Variants in DPY19L1 observed in about 807,000 individuals in gnomAD.
DPY19L1 encodes the protein protein C-mannosyl-transferase DPY19L1.
A neutral mutation model predicts 96.9 loss-of-function variants in DPY19L1; 35 were observed. That is an observed-to-expected ratio of 0.36 (90% CI 0.28 to 0.48). The LOEUF (loss-of-function observed/expected upper bound fraction) is 0.48. DPY19L1 is among the 20% of genes least tolerant of loss of function. The pLI is 0.99. For missense variants in DPY19L1, 521 were observed against 777.9 expected (o/e 0.67, Z 3.93); for synonymous variants, 205 against 252.6 (o/e 0.81, Z 1.79).
chr7:34,982,180 A>G (rs1415169091), intron 7 of DPY19L1, among the ~76,000 whole-genome samples: 1 of 152,206 alleles, frequency 6.6e-6, no homozygotes, highest in African/African-American at 2.4e-5. Flanking sequence ...TAAAATCATC[A>G]AAGAATTTAT....
At chr7:34,944,402 A>G (rs1164312288) in intron 16 of DPY19L1, among the ~76,000 whole-genome samples, 1 of 151,300 alleles carries the variant, frequency 6.6e-6, no homozygotes, top group Non-Finnish European at 1.5e-5. Context: ...TAAAAAAAAG[A>G]AAATATAGAT....
chr7:35,032,955 C>G (rs1584267156), intron 1 of DPY19L1, among the ~76,000 whole-genome samples: 1 of 152,206 alleles, frequency 6.6e-6, no homozygotes, highest in African/African-American at 2.4e-5. Context: ...CCGTGAACAG[C>G]CTCCTCATGG....
intron 10 of DPY19L1, among the ~76,000 whole-genome samples, chr7:34,963,355 A>AT (rs1784543086): frequency 6.6e-6 from 1 of 152,200 alleles, no homozygotes; most frequent in Non-Finnish European, 1.5e-5. Flanking sequence ...GATTACATGG[A>AT]GAAAATAGAA....
At chr7:34,963,583 C>T (rs1784547781) in intron 10 of DPY19L1, among the ~76,000 whole-genome samples, 1 of 151,812 alleles carries the variant, frequency 6.6e-6, no homozygotes, top group Admixed American at 6.6e-5. Context: ...CCCAAGTATC[C>T]GTGAATGAAC....
chr7:34,978,009 A>C (rs1365114753), intron 7 of DPY19L1, among the ~76,000 whole-genome samples: 2 of 152,140 alleles, frequency 1.3e-5, no homozygotes, highest in Admixed American at 1.3e-4. Context: ...TTTTCTGCTT[A>C]ATAATTTTTA....
intron 4 of DPY19L1, among the ~76,000 whole-genome samples, chr7:35,011,906 A>G (rs1474852820): frequency 6.6e-6 from 1 of 152,258 alleles, no homozygotes; most frequent in Non-Finnish European, 1.5e-5. Context: ...TTTAACAGAT[A>G]TTAAGTCTTA....
chr7:34,958,195 C>G (rs1784419518), intron 10 of DPY19L1, 125 bp from the exon 11 acceptor site: 1 of 564,054 alleles, frequency 1.8e-6, no homozygotes, highest in Non-Finnish European at 3.0e-6. Context: ...GACTATAAAA[C>G]AGCCCATTCT....
intron 13 of DPY19L1, among the ~76,000 whole-genome samples, chr7:34,952,315 A>T (rs1784285194): frequency 6.6e-6 from 1 of 152,074 alleles, no homozygotes; most frequent in Non-Finnish European, 1.5e-5. Flanking sequence ...ATAAAATGGG[A>T]AAAATTCCTC....
At chr7:34,986,787 T>C (rs1785057795) in intron 7 of DPY19L1, among the ~76,000 whole-genome samples, 1 of 152,064 alleles carries the variant, frequency 6.6e-6, no homozygotes, top group Non-Finnish European at 1.5e-5. Context: ...TCATTCACTT[T>C]AAATTACTTT....
intron 7 of DPY19L1, among the ~76,000 whole-genome samples, chr7:34,989,187 T>C (rs1389197193): frequency 6.6e-6 from 1 of 152,198 alleles, no homozygotes; most frequent in East Asian, 1.9e-4. Context: ...CAAATGTTAA[T>C]ACATTAAAAT....
chr7:34,967,366 T>C (rs963463187), intron 9 of DPY19L1, among the ~76,000 whole-genome samples: 1 of 152,180 alleles, frequency 6.6e-6, no homozygotes, highest in African/African-American at 2.4e-5. Flanking sequence ...AAAATAATTA[T>C]GCAATGCATG....
In DPY19L1 at chr7:35,037,412, C is replaced by G. The variant is rs1584270167; in HGVS notation, c.-18G>C. The G allele has an allele frequency of 1.2e-5, 4 of 330,698 alleles. No homozygotes were observed. The highest frequency in any genetic ancestry group is 4.9e-5 in the Admixed American group (1 of 20,390). The allele number at this position is 330,698 out of a possible 1,614,324, so 20.5% of individuals were successfully genotyped here. On this transcript the variant is annotated 5_prime_UTR_variant, in exon 1 of 22. Coordinates refer to ENST00000638088, the MANE Select transcript of DPY19L1 (RefSeq NM_001366673.1). ...AGGACCATCTTGGCATAGTCGCGCC[C>G]GCTCGCTGCGCGCGCCCGGACGGCG...
intron 7 of DPY19L1, among the ~76,000 whole-genome samples, chr7:34,983,073 T>C (rs1784974543): frequency 6.6e-6 from 1 of 152,152 alleles, no homozygotes; most frequent in African/African-American, 2.4e-5. Context: ...TAAAACAAAT[T>C]AAAACTATAC....
At chr7:34,957,931 T>TAG in intron 11 of DPY19L1, 53 bp downstream of exon 11, 1 of 1,220,824 alleles carries the variant, frequency 8.2e-7, no homozygotes. Flanking sequence ...GAAGAAAAAA[T>TAG]TGTTAAACCA....
chr7:34,950,773 A>C (rs2128784556), intron 13 of DPY19L1, among the ~76,000 whole-genome samples: 1 of 152,310 alleles, frequency 6.6e-6, no homozygotes, highest in African/African-American at 2.4e-5. Context: ...TACAGCACCT[A>C]AAATAGCATA....
At chr7:34,974,897 C>A (rs149064429) in intron 7 of DPY19L1, among the ~76,000 whole-genome samples, 7 of 152,068 alleles carry the variant, frequency 4.6e-5, no homozygotes, top group Non-Finnish European at 7.4e-5. Flanking sequence ...ATATCTGCTA[C>A]GGTGATCTGT....
In DPY19L1 at chr7:35,018,610, G is replaced by T. The variant is rs371657124; in HGVS notation, c.299-14C>A. The T allele has an allele frequency of 3.7e-6, 6 of 1,605,622 alleles. No individual in the cohort carries two copies. The highest frequency in any genetic ancestry group is 5.1e-6 in the Non-Finnish European group (6 of 1,176,044). ...CTGCAAAAACAGCTGTAAGAAAAAA[G>T]AAATTTAAATTAGAATTTTAGCATA... On this transcript the variant is annotated splice_polypyrimidine_tract_variant and intron_variant, in intron 1 of 21. Transcript: ENST00000638088.
chr7:35,034,252 T>C (rs998534770), intron 1 of DPY19L1, among the ~76,000 whole-genome samples: 1 of 152,228 alleles, frequency 6.6e-6, no homozygotes, highest in African/African-American at 2.4e-5. Context: ...TATCTTTTAC[T>C]ACCACAATTG....
Position 34,949,122 on chromosome 7 carries a change from T to C in DPY19L1, c.1422+675A>G, listed in dbSNP as rs190886802. On this transcript the variant is annotated intron_variant, in intron 14 of 21. Coordinates refer to ENST00000638088, the MANE Select transcript of DPY19L1 (RefSeq NM_001366673.1). ...GGTGTTAAAAATGCACATATATACA[T>C]GCTTGTCGAACTAAACCAGCTCATA... Among the ~76,000 whole-genome samples the C allele has an allele frequency of 7.2e-5, 11 of 152,344 alleles. No homozygotes were observed. The East Asian group carries it at 2.1e-3, about 29-fold the overall frequency.
Sources: gnomAD v4.1 joint callset for allele counts (sites outside exome capture counted in the v4.1 genomes callset) on GRCh38, gnomAD v4.1.1 for gene constraint, MANE v1.5 for transcripts, NCBI Gene and HGNC (gene_info 2026-07-23, HGNC 2026-07-21) for gene names.